The following PCSK1 variants were observed in gnomAD, a reference collection of about 807,000 sequenced individuals.
PCSK1 encodes neuroendocrine convertase 1.
PCSK1 carries 56 observed loss-of-function variants against 90.6 expected under a neutral mutation model. The ratio of observed to expected loss-of-function variants is 0.62; its 90% CI spans 0.50 to 0.77. PCSK1 has a LOEUF of 0.77. Ranked by LOEUF, PCSK1 falls within the 30% of genes least tolerant of loss-of-function variation. The probability of loss-of-function intolerance (pLI) is 0.00; values close to 1 mark genes in which losing one functional copy is unlikely to be tolerated. For synonymous variants in PCSK1, 348 were observed against 342.4 expected (o/e 1.02, Z -0.18); for missense variants, 801 against 932.6 (o/e 0.86, Z 1.84).
Position 96,392,133 on chromosome 5 carries a change from A to G in PCSK1, c.*868T>C, listed in dbSNP as rs1759965228. 1 of 152,094 alleles carries G rather than the reference A, an allele frequency of 6.6e-6. No homozygotes were observed. The highest frequency in any genetic ancestry group is 1.5e-5 in the Non-Finnish European group (1 of 68,018). 9.4% of individuals were successfully genotyped at this position (152,094 alleles called of 1,614,324 possible). A position where few individuals can be genotyped will look rare whatever the true frequency, so the allele number is the denominator to read the frequency against. On this transcript the variant is annotated 3_prime_UTR_variant, in exon 14 of 14. Coordinates refer to ENST00000311106, the MANE Select transcript of PCSK1 (RefSeq NM_000439.5). ...GATAAGTGGTTTCCTGTTACTGCTG[A>G]AAAAAATTGTGACTAGGAATTTGCC...
At position 96,429,312 on chromosome 5, in the gene PCSK1, A is replaced by G; in HGVS notation, c.186T>C (p.Gly62=). The G allele has an allele frequency of 6.6e-7, 1 of 1,526,568 alleles. No homozygotes were observed. Among genetic ancestry groups the G allele is most frequent in the South Asian group, 1.1e-5 (1 of 89,376 alleles). 94.6% of individuals were successfully genotyped at this position (1,526,568 alleles called of 1,614,324 possible). ...TGAATAAGTAGTGATTTTCAAGTGA[A>G]CCAATCTATAAAAGGAAAGAAATAA... ...ELGYDLLGQI[G]SLENHYLFKH... is the part of the protein sequence containing the mutation. Residue 62 remains glycine (G), a synonymous_variant, in exon 2 of 14, where the codon GGT becomes GGC. Coordinates refer to ENST00000311106, the MANE Select transcript of PCSK1 (RefSeq NM_000439.5).
At chr5:96,415,442 G>A (rs1176975122) in intron 6 of PCSK1, among the ~76,000 whole-genome samples, 1 of 152,116 alleles carries the variant, frequency 6.6e-6, no homozygotes, top group Non-Finnish European at 1.5e-5. Flanking sequence ...CCACTTCTTA[G>A]CCCCTTGTTG....
intron 2 of PCSK1, 151 bp downstream of exon 2, chr5:96,429,062 T>G: frequency 1.7e-6 from 1 of 586,290 alleles, no homozygotes; most frequent in Non-Finnish European, 3.0e-6. Context: ...ATTATAATTT[T>G]ATGGAAAGAA....
intron 12 of PCSK1, among the ~76,000 whole-genome samples, chr5:96,396,543 C>A (rs985492259): frequency 7.2e-6 from 1 of 139,088 alleles, no homozygotes; most frequent in African/African-American, 2.8e-5. Context: ...GCCTGGGTGA[C>A]AGAGCAAGAC....
At position 96,390,786 on chromosome 5, in the gene PCSK1, A is replaced by C. The variant is rs1759912467; in HGVS notation, c.*2215T>G. 6.5e-6 allele frequency: 1 copy of C among 152,700 alleles called. No homozygotes were observed. Among genetic ancestry groups the C allele is most frequent in the South Asian group, 2.1e-4 (1 of 4,832 alleles). The allele number at this position is 152,700 out of a possible 1,614,324, so 9.5% of individuals were successfully genotyped here. On this transcript the variant is annotated 3_prime_UTR_variant, in exon 14 of 14. Coordinates refer to ENST00000311106, the MANE Select transcript of PCSK1 (RefSeq NM_000439.5). ...TTTCACAAAAATCCACACAGGCACT[A>C]AGAAAGACTGACAAAACTGTTTTAT...
At chr5:96,393,794 G>A (rs1760038517) in intron 13 of PCSK1, among the ~76,000 whole-genome samples, 1 of 152,210 alleles carries the variant, frequency 6.6e-6, no homozygotes, top group Admixed American at 6.5e-5. Flanking sequence ...GGTAGCATGG[G>A]TGTGCCTTCC....
rs1760784813 is a variant in PCSK1, at chr5:96,412,405, A to G, written c.795T>C (p.Ser265=). The G allele has an allele frequency of 6.2e-7, 1 of 1,614,078 alleles. No individual in the cohort carries two copies. Among genetic ancestry groups the G allele is most frequent in the Admixed American group, 1.7e-5 (1 of 60,008 alleles). The change falls in exon 7 of 14, where the codon AGT becomes AGC. Residue 265 remains serine (S), a synonymous_variant. Coordinates refer to ENST00000311106, the MANE Select transcript of PCSK1 (RefSeq NM_000439.5). ...GFNPGHVDIY[S]ASWGPNDDGK... is the part of the protein sequence containing the mutation. The stretch of plus-strand genomic sequence containing the variant: ...CATCATCATTAGGGCCCCAGCTTGC[A>G]CTGTAAATATCCACGTGTCCAGGAT...
At chr5:96,409,159 A>G (rs1053738582) in intron 8 of PCSK1, among the ~76,000 whole-genome samples, 3 of 152,230 alleles carry the variant, frequency 2.0e-5, no homozygotes, top group East Asian at 3.8e-4. Flanking sequence ...GAAGAAACTG[A>G]AAAGACTTCC....
At chr5:96,412,752 G>GTTTTTTTTTTTTTTGTT (rs1760804455) in intron 6 of PCSK1, among the ~76,000 whole-genome samples, 1 of 71,832 alleles carries the variant, frequency 1.4e-5, no homozygotes, top group African/African-American at 9.0e-5. Flanking sequence ...CAGCTGTGAT[G>GTTTTTTTTTTTTTTGTT]TTTTTTTTTT....
At chr5:96,423,235 T>C in intron 4 of PCSK1, 78 bp downstream of exon 4, 1 of 1,425,296 alleles carries the variant, frequency 7.0e-7, no homozygotes, top group Non-Finnish European at 9.7e-7. Flanking sequence ...AGCATCCCCT[T>C]GAAAAGAAGG....
chr5:96,424,997 GAGAAAGAAAGAAA>G (rs1158465268), intron 3 of PCSK1, among the ~76,000 whole-genome samples: 20 of 100,186 alleles, frequency 2.0e-4, no homozygotes, highest in Non-Finnish European at 2.8e-4. Flanking sequence ...AAGAAAGAAA[GAGAAAGAAAGAAA>G]AGAAAGAAAG....
intron 5 of PCSK1, among the ~76,000 whole-genome samples, chr5:96,418,885 C>A (rs1221526058): frequency 6.6e-6 from 1 of 152,126 alleles, no homozygotes. Flanking sequence ...CTCTGCTGCT[C>A]CCATCGGATG....
chr5:96,400,024 A>G lies in PCSK1; in HGVS notation c.1359T>C (p.Ala453=). ...GCACGCTCCTCCAGGTCCTGGGGTC[A>G]GCTAAATCCACCAGAGCTTTGGCAT... ...LLNAKALVDL[A]DPRTWRSVPE... The change falls in exon 10 of 14, where the codon GCT becomes GCC. Residue 453 remains alanine, a synonymous_variant. Transcript: ENST00000311106. 2 of 1,614,194 alleles carry G rather than the reference A, an allele frequency of 1.2e-6. No individual in the cohort carries two copies. Among genetic ancestry groups the G allele is most frequent in the Non-Finnish European group, 1.7e-6 (2 of 1,180,018 alleles).
chr5:96,400,446 C>T (rs1446378787), intron 9 of PCSK1, among the ~76,000 whole-genome samples: 1 of 152,128 alleles, frequency 6.6e-6, no homozygotes, highest in Non-Finnish European at 1.5e-5. Flanking sequence ...AAAATTCAGT[C>T]CTCAGCAATA....
In PCSK1 at chr5:96,429,262, G is replaced by C. The variant is rs1339347581; in HGVS notation, c.236C>G (p.Ser79Cys). 25 of 1,604,292 alleles carry C rather than the reference G, an allele frequency of 1.6e-5. No homozygotes were observed. The highest frequency in any genetic ancestry group is 2.0e-5 in the Non-Finnish European group (24 of 1,171,332). Residue 79 changes from serine to cysteine, a missense_variant, in exon 2 of 14, where the codon TCT (serine) becomes TGT (cysteine). Coordinates refer to ENST00000311106, the MANE Select transcript of PCSK1 (RefSeq NM_000439.5). ...AGTGATATGAAAGGCACTCCTTCGA[G>C]ACCTTCTGGGGTGGTTTTTATGTTT... ...LFKHKNHPRR[S>C]RRSAFHITKR...
intron 2 of PCSK1, 104 bp downstream of exon 2, chr5:96,429,109 T>TA (rs139711271): frequency 0.058 from 31,015 of 539,052 alleles, 3 homozygotes; most frequent in South Asian, 0.076. Flanking sequence ...TTGGTCACAA[T>TA]AAAAAAAAAA....
Position 96,432,877 on chromosome 5 carries a change from C to T in PCSK1, c.166G>A (p.Asp56Asn). The T allele has an allele frequency of 1.2e-6, 2 of 1,613,778 alleles. No individual in the cohort carries two copies. The highest frequency in any genetic ancestry group is 1.7e-6 in the Non-Finnish European group (2 of 1,179,910). The change falls in exon 1 of 14, where the codon GAC (aspartate) becomes AAC (asparagine). Residue 56 changes from aspartate (D) to asparagine (N), a missense_variant. Physicochemically the swap from Asp to Asn is conservative, Grantham distance 23. Transcript: ENST00000311106. ...GAAACTCTTACCTGACCCAAAAGGTCATAGCCCAGCTCCTCGGCGATGGCC... is the reference window on the plus strand; with the variant it reads ...GAAACTCTTACCTGACCCAAAAGGTTATAGCCCAGCTCCTCGGCGATGGCC... ...ASAIAEELGY[D>N]LLGQIGSLEN...
chr5:96,401,398 C>G (rs1363512952), intron 9 of PCSK1, among the ~76,000 whole-genome samples: 1 of 152,128 alleles, frequency 6.6e-6, no homozygotes, highest in Admixed American at 6.5e-5. Context: ...AGGGGAGAGG[C>G]AGTGAGGAGT....
At chr5:96,404,531 A>T (rs1375294176) in intron 9 of PCSK1, among the ~76,000 whole-genome samples, 2 of 152,206 alleles carry the variant, frequency 1.3e-5, no homozygotes, top group Non-Finnish European at 2.9e-5. Flanking sequence ...TACTCTGGCT[A>T]TATAACATTT....
Sources: allele counts gnomAD v4.1 joint callset (sites outside exome capture counted in the v4.1 genomes callset), GRCh38; gene constraint gnomAD v4.1.1; transcripts MANE v1.5; gene names NCBI Gene and HGNC (gene_info 2026-07-23, HGNC 2026-07-21).